Variants in BAAT observed in about 807,000 individuals in gnomAD.
The protein encoded by BAAT is bile acid CoA: amino acid N-acyltransferase (glycine N-choloyltransferase).
A neutral mutation model predicts 18.9 loss-of-function variants in BAAT; 13 were observed. The observed-to-expected ratio is 0.69, with a 90% CI of 0.45 to 1.10. BAAT has a LOEUF of 1.10. BAAT is among the 50% of genes least tolerant of loss of function. BAAT has a pLI of 0.00. For synonymous variants in BAAT, 170 were observed against 190.7 expected (o/e 0.89, Z 0.89); for missense variants, 489 against 504.0 (o/e 0.97, Z 0.28).
chr9:101,368,260 G>C lies in BAAT; in HGVS notation c.529C>G (p.Arg177Gly), dbSNP rs200347226. ...CCACGACTGGCTAGGAGGCTGGCCCGAAATTCAAGCAGCCCACCCAAACCA... is the reference window on the plus strand; with the variant it reads ...CCACGACTGGCTAGGAGGCTGGCCCCAAATTCAAGCAGCCCACCCAAACCA... ...FGGLGGLLEF[R>G]ASLLASRGFA... The change falls in exon 3 of 4, where the codon CGG becomes GGG. Residue 177 changes from arginine (R) to glycine (G), a missense_variant. Physicochemically the swap from Arg to Gly is moderately radical, Grantham distance 125. Transcript: ENST00000259407. The C allele has an allele frequency of 2.5e-6, 4 of 1,613,598 alleles. No homozygotes were observed. The highest frequency in any genetic ancestry group is 3.4e-6 in the Non-Finnish European group (4 of 1,180,016).
chr9:101,370,913 A>G (rs1444587460), intron 2 of BAAT, 26 bp downstream of exon 2: 2 of 1,608,404 alleles, frequency 1.2e-6, no homozygotes, highest in South Asian at 2.2e-5. Context: ...AACAAGAATA[A>G]CAATAAGCAG....
chr9:101,371,025 G>A lies in BAAT; in HGVS notation c.380C>T (p.Thr127Ile), dbSNP rs1829929918. ...KVASAPKASL[T>I]LERWYVAPGV... ...AGGTGCCACATACCACCTCTCCAAA[G>A]TCAGGCTGGCCTTTGGAGCACTGGC... is the stretch of plus-strand genomic sequence containing the variant. Residue 127 changes from threonine (T) to isoleucine (I), a missense_variant, in exon 2 of 4, where the codon ACT (threonine) becomes ATT (isoleucine). Physicochemically the swap from Thr to Ile is moderately conservative, Grantham distance 89. Coordinates refer to ENST00000259407, the MANE Select transcript of BAAT (RefSeq NM_001701.4). The A allele has an allele frequency of 1.2e-6, 2 of 1,614,088 alleles. No homozygotes were observed. Among genetic ancestry groups the A allele is most frequent in the Non-Finnish European group, 1.7e-6 (2 of 1,180,012 alleles).
rs759220161 is a variant in BAAT, at chr9:101,362,535, A to C, written c.1150T>G (p.Trp384Gly). 2 of 1,614,116 alleles carry C rather than the reference A, an allele frequency of 1.2e-6. No individual in the cohort carries two copies. The change falls in exon 4 of 4, where the codon TGG becomes GGG. Residue 384 changes from tryptophan (W) to glycine (G), a missense_variant. Trp to Gly is a radical substitution (Grantham distance 184). Transcript: ENST00000259407. ...ASTTHDLRLH[W>G]GGEVIPHAAA... The stretch of plus-strand genomic sequence containing the variant: ...GCGTGTGGGATCACCTCTCCTCCCC[A>C]GTGTAACCTCAAATCGTGGGTCGTT...
chr9:101,384,258 C>T (rs1379291738), intron 1 of BAAT, among the ~76,000 whole-genome samples: 2 of 152,054 alleles, frequency 1.3e-5, no homozygotes, highest in Admixed American at 6.5e-5. Context: ...AACTGGGATA[C>T]ATAAAATATT....
Position 101,368,164 on chromosome 9 carries a change from C to G in BAAT, c.625G>C (p.Glu209Gln), listed in dbSNP as rs1489177248. 1 of 1,614,042 alleles carries G rather than the reference C, an allele frequency of 6.2e-7. No individual in the cohort carries two copies. The highest frequency in any genetic ancestry group is 8.5e-7 in the Non-Finnish European group (1 of 1,180,024). Residue 209 changes from glutamate to glutamine, a missense_variant, in exon 3 of 4, where the codon GAA (glutamate) becomes CAA (glutamine). Coordinates refer to ENST00000259407, the MANE Select transcript of BAAT (RefSeq NM_001701.4). Reference sequence around the variant, plus strand: ...AAGTTGGCAGCCTCCTCAAAATATTCCAAATCTGTTACTTCTGGTTTGCGG... The same window carrying G: ...AAGTTGGCAGCCTCCTCAAAATATTGCAAATCTGTTACTTCTGGTTTGCGG... ...LPRKPEVTDL[E>Q]YFEEAANFLL...
chr9:101,376,878 T>C (rs1325579884), intron 1 of BAAT, among the ~76,000 whole-genome samples: 1 of 152,236 alleles, frequency 6.6e-6, no homozygotes, highest in African/African-American at 2.4e-5. Flanking sequence ...AGGGCATTAA[T>C]GGGCATTAGG....
intron 3 of BAAT, among the ~76,000 whole-genome samples, chr9:101,365,866 A>C (rs1423281091): frequency 6.6e-6 from 1 of 152,196 alleles, no homozygotes; most frequent in Non-Finnish European, 1.5e-5. Flanking sequence ...AATAATAATT[A>C]TACATATTTA....
intron 3 of BAAT, among the ~76,000 whole-genome samples, chr9:101,363,983 T>C (rs1829782410): frequency 6.6e-6 from 1 of 152,106 alleles, no homozygotes; most frequent in African/African-American, 2.4e-5. Context: ...TACCCCAGCC[T>C]GGGCAATAGA....
intron 1 of BAAT, among the ~76,000 whole-genome samples, chr9:101,378,354 C>T (rs1281287661): frequency 6.6e-6 from 1 of 152,152 alleles, no homozygotes; most frequent in Non-Finnish European, 1.5e-5. Context: ...GTAAACAAAA[C>T]AGCATGGTAC....
chr9:101,366,434 A>G (rs1301938812), intron 3 of BAAT, among the ~76,000 whole-genome samples: 1 of 152,210 alleles, frequency 6.6e-6, no homozygotes, highest in Non-Finnish European at 1.5e-5. Context: ...CTGTTCTATC[A>G]TCCTGCAGAA....
chr9:101,366,458 G>A (rs1296509372), intron 3 of BAAT, among the ~76,000 whole-genome samples: 1 of 152,150 alleles, frequency 6.6e-6, no homozygotes, highest in Non-Finnish European at 1.5e-5. Flanking sequence ...ACAATGTGAA[G>A]TAGGTTTAAT....
intron 1 of BAAT, among the ~76,000 whole-genome samples, chr9:101,384,232 C>G (rs2119043959): frequency 6.6e-6 from 1 of 152,228 alleles, no homozygotes; most frequent in South Asian, 2.1e-4. Context: ...ACAGATACAA[C>G]TGATTAAGAA....
intron 1 of BAAT, among the ~76,000 whole-genome samples, chr9:101,371,727 T>C (rs1829949071): frequency 6.6e-6 from 1 of 152,176 alleles, no homozygotes; most frequent in South Asian, 2.1e-4. Context: ...ATGGTATCAA[T>C]ACATCTAGGA....
intron 1 of BAAT, among the ~76,000 whole-genome samples, chr9:101,380,542 G>C (rs1327949865): frequency 6.6e-6 from 1 of 152,116 alleles, no homozygotes; most frequent in East Asian, 1.9e-4. Context: ...TGGGTTGGAA[G>C]GGCAAGCAAC....
chr9:101,383,282 C>T (rs1201925377), intron 1 of BAAT, among the ~76,000 whole-genome samples: 1 of 152,174 alleles, frequency 6.6e-6, no homozygotes, highest in Non-Finnish European at 1.5e-5. Context: ...TGAAAAGACA[C>T]ACTTATCTGA....
At chr9:101,365,405 T>A (rs1457797582) in intron 3 of BAAT, among the ~76,000 whole-genome samples, 3 of 152,062 alleles carry the variant, frequency 2.0e-5, no homozygotes, top group Admixed American at 1.3e-4. Context: ...ACTAAACAAA[T>A]GGAATGAGTC....
chr9:101,368,589 G>A (rs576342400), intron 2 of BAAT, among the ~76,000 whole-genome samples: 156 of 152,172 alleles, frequency 1.0e-3, no homozygotes, highest in African/African-American at 3.3e-3. Context: ...AATATATAAT[G>A]GAACACAATA....
In BAAT at chr9:101,372,691, G is replaced by T. The variant is rs558482763; in HGVS notation, c.-59-1228C>A. On this transcript the variant is annotated intron_variant, in intron 1 of 3. Transcript: ENST00000259407. ...CTCATTAGATTACTGAGAATGCAAA[G>T]AATCTACATGAATTGAACTCCAGCA... 2.1e-5 allele frequency among the ~76,000 whole-genome samples: 3 copies of T among 144,500 alleles called. No individual in the cohort carries two copies. The South Asian group carries it at 6.6e-4, about 32-fold the overall frequency. The allele number at this position is 144,500 out of a possible 152,430, so 94.8% of individuals were successfully genotyped here. A position where few individuals can be genotyped will look rare whatever the true frequency, so the allele number is the denominator to read the frequency against.
chr9:101,371,229 T>C lies in BAAT; in HGVS notation c.176A>G (p.Asp59Gly). Residue 59 changes from aspartate (D) to glycine (G), a missense_variant, in exon 2 of 4, where the codon GAC (aspartate) becomes GGC (glycine). Physicochemically the swap from Asp to Gly is moderately conservative, Grantham distance 94. Transcript: ENST00000259407. ...TCCAAGTGAAGAAGCATGATTCAGG[T>C]CCACCTCACCGAATTCATTGGCCCT... is the stretch of plus-strand genomic sequence containing the variant. ...HYRANEFGEV[D>G]LNHASSLGGD... is the part of the protein sequence containing the mutation. 6.2e-7 allele frequency: 1 copy of C among 1,613,446 alleles called. No homozygotes were observed. Among genetic ancestry groups the C allele is most frequent in the Admixed American group, 1.7e-5 (1 of 59,972 alleles).
Sources: allele counts gnomAD v4.1 joint callset (sites outside exome capture counted in the v4.1 genomes callset), GRCh38; gene constraint gnomAD v4.1.1; transcripts MANE v1.5; gene names NCBI Gene and HGNC (gene_info 2026-07-23, HGNC 2026-07-21).